The following KIF21B variants were observed in gnomAD, a reference collection of about 807,000 sequenced individuals.
The protein encoded by KIF21B is kinesin-like protein KIF21B.
Under a neutral mutation model 192.9 loss-of-function variants are expected in KIF21B, and 85 were observed. The ratio of observed to expected loss-of-function variants is 0.44; its 90% CI spans 0.37 to 0.53. The LOEUF (loss-of-function observed/expected upper bound fraction) is 0.53. Among genes scored for constraint, KIF21B ranks in the 20% least tolerant of loss-of-function variants. KIF21B has a pLI of 0.00. For synonymous variants in KIF21B, 832 were observed against 884.6 expected (o/e 0.94, Z 1.05); for missense variants, 1,716 against 2,194.8 (o/e 0.78, Z 4.36).
Position 200,991,155 on chromosome 1 carries a change from G to A in KIF21B, c.2455-6C>T. 1.2e-6 allele frequency: 2 copies of A among 1,610,218 alleles called. No individual in the cohort carries two copies. The highest frequency in any genetic ancestry group is 1.7e-6 in the Non-Finnish European group (2 of 1,177,792). On this transcript the variant is annotated splice_polypyrimidine_tract_variant and splice_region_variant and intron_variant, in intron 17 of 34. Transcript: ENST00000461742. ...AGGCGCCTCAGTGCAGAAACCTGGG[G>A]CAGCAGGGAGAAAAGAGGGAGCCGG... is the stretch of plus-strand genomic sequence containing the variant.
chr1:201,010,139 C>A (rs1163724634), intron 1 of KIF21B, among the ~76,000 whole-genome samples: 6 of 152,218 alleles, frequency 3.9e-5, no homozygotes, highest in Non-Finnish European at 8.8e-5. Flanking sequence ...GAGCTCCCCT[C>A]CCTGACGCCA....
Position 200,982,609 on chromosome 1 carries a change from GA to G in KIF21B, c.3842+446del, listed in dbSNP as rs964539136. ...GGTGCCCCTCCCAGAGCCAACGTCT[GA>G]AAAGCTCACCCCCAGCACAAGCTGA... On this transcript the variant is annotated intron_variant, in intron 28 of 34. Transcript: ENST00000461742. This position sits in a 1 kb window ranked among gnomAD's most constrained non-coding sequence, Gnocchi z 4.7. Among the ~76,000 whole-genome samples, 10 of 152,124 alleles carry G rather than the reference GA, an allele frequency of 6.6e-5. No individual in the cohort carries two copies. Among genetic ancestry groups the G allele is most frequent in the Admixed American group, 2.6e-4 (4 of 15,278 alleles).
In KIF21B at chr1:201,023,035, G is replaced by A. The variant is rs1433629989; in HGVS notation, c.41+308C>T. 6.6e-6 allele frequency among the ~76,000 whole-genome samples: 1 copy of A among 152,228 alleles called. No individual in the cohort carries two copies. The highest frequency in any genetic ancestry group is 1.9e-4 in the East Asian group (1 of 5,192). On this transcript the variant is annotated intron_variant, in intron 1 of 34. Coordinates refer to ENST00000461742, the MANE Select transcript of KIF21B (RefSeq NM_001252102.2). This position sits in a 1 kb window ranked among gnomAD's most constrained non-coding sequence, Gnocchi z 5.9. ...CGAAGAGGAAACGCACAGACGCTCC[G>A]GCCTGGGCCAGAGCTGGGTGTGAAA... is the stretch of plus-strand genomic sequence containing the variant.
In KIF21B at chr1:201,005,651, T is replaced by G. The variant is rs746670892; in HGVS notation, c.491A>C (p.Asp164Ala). 142 of 1,613,992 alleles carry G rather than the reference T, an allele frequency of 8.8e-5. No homozygotes were observed. Among genetic ancestry groups the G allele is most frequent in the Non-Finnish European group, 1.2e-4 (138 of 1,180,012 alleles). Reference protein sequence around the residue: ...EILDLFDSTRDPDTRHRRSNI... With the variant: ...EILDLFDSTRAPDTRHRRSNI... Reference sequence around the variant, plus strand: ...GGACCTGCGGTGGCGGGTGTCAGGGTCACGGGTGCTGTCAAACAGGTCAAG... The same window carrying G: ...GGACCTGCGGTGGCGGGTGTCAGGGGCACGGGTGCTGTCAAACAGGTCAAG... The change falls in exon 4 of 35, where the codon GAC becomes GCC. Residue 164 changes from aspartate (D) to alanine (A), a missense_variant. By Grantham distance (126) the Asp-to-Ala change is moderately radical (BLOSUM62 -2). Coordinates refer to ENST00000461742, the MANE Select transcript of KIF21B (RefSeq NM_001252102.2).
At chr1:201,003,351 AG>A (rs1218018225) in intron 8 of KIF21B, 17 of 579,612 alleles carry the variant, frequency 2.9e-5, no homozygotes, top group Non-Finnish European at 5.3e-5. Context: ...TCTTGGACTT[AG>A]TATTCTAAAA....
rs1657548145 is a variant in KIF21B at position 201,002,316 on chromosome 1, C to A, written c.1247G>T (p.Gly416Val). ...KRVIGEDGAEGYSDLFRENAM... is the reference protein window; with the variant it reads ...KRVIGEDGAEVYSDLFRENAM... ...ATTCTCTCGGAACAGATCACTATAG[C>A]CCTCAGCGCCATCCTCTCCTATCAC... The change falls in exon 9 of 35, where the codon GGC (glycine) becomes GTC (valine). Residue 416 changes from glycine to valine, a missense_variant. Transcript: ENST00000461742. The A allele has an allele frequency of 6.2e-7, 1 of 1,614,212 alleles. No individual in the cohort carries two copies. The highest frequency in any genetic ancestry group is 1.1e-5 in the South Asian group (1 of 91,088).
At chr1:201,006,172 G>A (rs956878055) in intron 3 of KIF21B, among the ~76,000 whole-genome samples, 2 of 152,254 alleles carry the variant, frequency 1.3e-5, no homozygotes, top group Admixed American at 1.3e-4. Context: ...TCGAAGGGGA[G>A]GAACACGCCT....
intron 29 of KIF21B, 109 bp from the exon 30 acceptor site, chr1:200,979,824 G>T: frequency 2.3e-6 from 2 of 865,658 alleles, no homozygotes; most frequent in Non-Finnish European, 3.4e-6. Flanking sequence ...GATCCACAGG[G>T]CTCCAGAGGA....
intron 16 of KIF21B, 116 bp from the exon 17 acceptor site, chr1:200,991,841 C>T: frequency 9.6e-7 from 1 of 1,043,408 alleles, no homozygotes; most frequent in Non-Finnish European, 1.4e-6. Context: ...GATTCTCATG[C>T]AGCCAAACTC....
intron 34 of KIF21B, among the ~76,000 whole-genome samples, chr1:200,974,423 G>T (rs1655408719): frequency 6.6e-6 from 1 of 152,126 alleles, no homozygotes; most frequent in African/African-American, 2.4e-5. Flanking sequence ...TACCTGCACG[G>T]GGGAAGACAG....
chr1:201,007,037 C>G (rs1657879051), intron 3 of KIF21B, among the ~76,000 whole-genome samples: 2 of 142,700 alleles, frequency 1.4e-5, no homozygotes, highest in Non-Finnish European at 3.0e-5. Flanking sequence ...CACACAGACA[C>G]AGAGACACAT....
intron 21 of KIF21B, among the ~76,000 whole-genome samples, chr1:200,989,603 C>G (rs1571929031): frequency 6.6e-6 from 1 of 152,346 alleles, no homozygotes; most frequent in Non-Finnish European, 1.5e-5. Context: ...ACACACTTCT[C>G]CCTCCACCTC....
rs748591412 is a variant in KIF21B, at chr1:200,990,041, C to T, written c.3033G>A (p.Glu1011=). The T allele has an allele frequency of 3.1e-6, 5 of 1,613,650 alleles. No individual in the cohort carries two copies. The highest frequency in any genetic ancestry group is 4.2e-6 in the Non-Finnish European group (5 of 1,179,918). The change falls in exon 21 of 35, where the codon GAG becomes GAA. Residue 1011 remains glutamate, a splice_region_variant and synonymous_variant. Coordinates refer to ENST00000461742, the MANE Select transcript of KIF21B (RefSeq NM_001252102.2). The surrounding 1 kb of genome is among the most constrained non-coding windows in gnomAD (Gnocchi z 5.4). The part of the protein sequence containing the change: ...ATIVQLEETK[E]ELDSTDTSVV... ...CGGATGTGTCTGTGGAGTCCAGCTCCTCCTAGGACCGGGAGGCAGAGAGCC... is the reference window on the plus strand; with the variant it reads ...CGGATGTGTCTGTGGAGTCCAGCTCTTCCTAGGACCGGGAGGCAGAGAGCC...
intron 3 of KIF21B, among the ~76,000 whole-genome samples, chr1:201,006,208 C>T (rs532283876): frequency 8.5e-4 from 130 of 152,310 alleles, no homozygotes; most frequent in Non-Finnish European, 1.3e-3. Context: ...TGCTTGGCAG[C>T]GGGTGGGCAT....
Position 200,990,504 on chromosome 1 carries a change from G to T in KIF21B, c.2835+72C>A. On this transcript the variant is annotated intron_variant, in intron 19 of 34. Transcript: ENST00000461742. The surrounding 1 kb of genome is among the most constrained non-coding windows in gnomAD (Gnocchi z 5.4). Reference sequence around the variant, plus strand: ...AGTGGGGCAGGGAAAGGTCTGAAGAGCCAGAGAAGTTGGAGGTGTCAGAGG... The same window carrying T: ...AGTGGGGCAGGGAAAGGTCTGAAGATCCAGAGAAGTTGGAGGTGTCAGAGG... 6.4e-7 allele frequency: 1 copy of T among 1,564,238 alleles called. No homozygotes were observed. Among genetic ancestry groups the T allele is most frequent in the Non-Finnish European group, 8.7e-7 (1 of 1,146,152 alleles).
intron 2 of KIF21B, 117 bp from the exon 3 acceptor site, chr1:201,009,068 T>C (rs1658084407): frequency 7.6e-7 from 1 of 1,308,490 alleles, no homozygotes. Flanking sequence ...CCCCTGCTGC[T>C]TTCTTGGTCC....
Position 200,999,862 on chromosome 1 carries a change from G to T in KIF21B, c.1767+21C>A. The T allele has an allele frequency of 6.2e-7, 1 of 1,612,126 alleles. No homozygotes were observed. On this transcript the variant is annotated intron_variant, in intron 12 of 34. Transcript: ENST00000461742. This position sits in a 1 kb window ranked among gnomAD's most constrained non-coding sequence, Gnocchi z 4.7. ...ACACAAGGCATGCATGTGGTGAGGT[G>T]GGGCGGCCCGTGCTCCTCACCTCCT...
At chr1:200,992,883 G>A (rs1656796810) in intron 15 of KIF21B, among the ~76,000 whole-genome samples, 3 of 152,208 alleles carry the variant, frequency 2.0e-5, no homozygotes, top group Admixed American at 1.3e-4. Flanking sequence ...TGTATGCCAG[G>A]CACCCTCCTC....
At position 201,023,221 on chromosome 1, in the gene KIF21B, C is replaced by G; in HGVS notation, c.41+122G>C. ...CGGCGCCCTCCATCCCGTCCCACGC[C>G]GGCCCCTCCTCCGGGAGTGCAGGCT... is the stretch of plus-strand genomic sequence containing the variant. On this transcript the variant is annotated intron_variant, in intron 1 of 34. Transcript: ENST00000461742. The surrounding 1 kb of genome is among the most constrained non-coding windows in gnomAD (Gnocchi z 5.9). The G allele has an allele frequency of 2.5e-6, 2 of 801,068 alleles. No homozygotes were observed. Among genetic ancestry groups the G allele is most frequent in the Non-Finnish European group, 3.6e-6 (2 of 560,762 alleles). The allele number at this position is 801,068 out of a possible 1,614,324, so 49.6% of individuals were successfully genotyped here. A position where few individuals can be genotyped will look rare whatever the true frequency, so the allele number is the denominator to read the frequency against.
Sources: allele counts gnomAD v4.1 joint callset (sites outside exome capture counted in the v4.1 genomes callset), GRCh38; gene constraint gnomAD v4.1.1; non-coding constraint Gnocchi (gnomAD v3.1); transcripts MANE v1.5; gene names NCBI Gene and HGNC (gene_info 2026-07-23, HGNC 2026-07-21).